Variants in AGAP4 observed in about 807,000 individuals in gnomAD.
The protein encoded by AGAP4 is arf-GAP with GTPase, ANK repeat and PH domain-containing protein 4.
A neutral mutation model predicts 60.7 loss-of-function variants in AGAP4; 13 were observed. That is an observed-to-expected ratio of 0.21 (90% CI 0.14 to 0.34). AGAP4 has a LOEUF of 0.34. Among genes scored for constraint, AGAP4 ranks in the 10% least tolerant of loss-of-function variants. AGAP4 has a pLI of 1.00. For missense variants in AGAP4, 169 were observed against 884.0 expected (o/e 0.19, Z 10.26); for synonymous variants, 70 against 339.0 (o/e 0.21, Z 8.72).
intron 3 of AGAP4, among the ~76,000 whole-genome samples, chr10:45,842,630 G>A (rs2058937889): frequency 6.7e-6 from 1 of 148,448 alleles, no homozygotes; most frequent in South Asian, 2.1e-4. Context: ...CTAAAAAGAG[G>A]CCAGAATAAT....
upstream of AGAP4, among the ~76,000 whole-genome samples, chr10:45,850,518 G>C (rs2059070385): frequency 6.6e-6 from 1 of 152,088 alleles, no homozygotes; most frequent in African/African-American, 2.4e-5. Context: ...AAGGTGAAAA[G>C]TCTCTGTCAG....
upstream of AGAP4, among the ~76,000 whole-genome samples, chr10:45,851,452 C>A (rs2573439): frequency 1.3e-5 from 2 of 151,862 alleles, no homozygotes; most frequent in African/African-American, 2.4e-5. Context: ...GCAGGAAAGC[C>A]ACAAATTAGC....
chr10:45,844,524 G>C, intron 2 of AGAP4, 130 bp from the exon 3 acceptor site: 14 of 1,475,332 alleles, frequency 9.5e-6, no homozygotes, highest in Middle Eastern at 2.4e-4. Context: ...TGAAATGAAT[G>C]TATAGACATA....
chr10:45,834,689 A>G (rs1262441032), intron 4 of AGAP4, among the ~76,000 whole-genome samples: 10 of 125,822 alleles, frequency 7.9e-5, no homozygotes, highest in Non-Finnish European at 1.4e-4. Flanking sequence ...AAAAAAAAAA[A>G]AAAAAAAAAG....
Position 45,845,613 on chromosome 10 carries a change from T to G in AGAP4, c.292+1074A>C, listed in dbSNP as rs1366605886. 1.7e-5 allele frequency among the ~76,000 whole-genome samples: 2 copies of G among 115,370 alleles called. 1 individual carries two copies. The highest frequency in any genetic ancestry group is 3.8e-5 in the Non-Finnish European group (2 of 53,050). 75.7% of individuals were successfully genotyped at this position (115,370 alleles called of 152,430 possible). A position where few individuals can be genotyped will look rare whatever the true frequency, so the allele number is the denominator to read the frequency against. On this transcript the variant is annotated intron_variant, in intron 2 of 7. Transcript: ENST00000616763. ...AAAACTCCAACTTTCTTTCCTTTTT[T>G]TTTTTGTGAGACGGAGTCTCGCTCT...
chr10:45,837,692 A>T (rs1368391805), intron 4 of AGAP4, among the ~76,000 whole-genome samples: 32 of 151,822 alleles, frequency 2.1e-4, no homozygotes, highest in African/African-American at 7.5e-4. Flanking sequence ...CTGGATCCTC[A>T]ACTCTCAGCT....
intron 2 of AGAP4, among the ~76,000 whole-genome samples, chr10:45,846,469 T>G (rs1398620881): frequency 1.3e-5 from 2 of 151,888 alleles, no homozygotes; most frequent in South Asian, 2.1e-4. Context: ...GAATAGGAAC[T>G]GTCTTGAGAT....
chr10:45,839,994 C>G (rs1402323046), intron 4 of AGAP4, among the ~76,000 whole-genome samples: 2 of 150,044 alleles, frequency 1.3e-5, no homozygotes, highest in Non-Finnish European at 3.0e-5. Context: ...GTCTAAGCAG[C>G]CTAGCATCTG....
upstream of AGAP4, among the ~76,000 whole-genome samples, chr10:45,851,923 TTC>T (rs1247501533): frequency 6.8e-6 from 1 of 147,330 alleles, no homozygotes; most frequent in East Asian, 2.0e-4. Flanking sequence ...GACTTTTTTT[TTC>T]TTTTTGAGAT....
chr10:45,834,479 T>C (rs2058780045), intron 4 of AGAP4, among the ~76,000 whole-genome samples: 1 of 133,146 alleles, frequency 7.5e-6, no homozygotes, highest in South Asian at 2.5e-4. Context: ...ATCGAGACCA[T>C]CCTGGCTAAC....
At chr10:45,853,812 T>G in exon 1 of AGAP4, 2 of 1,286,842 alleles carry the variant, frequency 1.6e-6, no homozygotes, top group Non-Finnish European at 2.0e-6. Context: ...TTGTCTTTGC[T>G]GGTTTTATGA....
chr10:45,832,376 C>T lies in AGAP4; in HGVS notation c.498-947G>A, dbSNP rs1373110457. On this transcript the variant is annotated intron_variant, in intron 5 of 7. Transcript: ENST00000616763. Reference sequence around the variant, plus strand: ...GTCCCACCAAATTGGAGCAGTTTCTCGTCCTAAACTCAAATTAAGCAGTGG... The same window carrying T: ...GTCCCACCAAATTGGAGCAGTTTCTTGTCCTAAACTCAAATTAAGCAGTGG... Among the ~76,000 whole-genome samples the T allele has an allele frequency of 4.7e-5, 7 of 149,848 alleles. 1 individual carries two copies. Among genetic ancestry groups the T allele is most frequent in the African/African-American group, 1.7e-4 (7 of 40,804 alleles).
At chr10:45,837,843 T>G (rs2058848019) in intron 4 of AGAP4, among the ~76,000 whole-genome samples, 1 of 150,138 alleles carries the variant, frequency 6.7e-6, no homozygotes, top group Middle Eastern at 3.4e-3. Context: ...CAAAAGCAAA[T>G]GCAACAGAAA....
At chr10:45,853,051 T>C (rs1554900678) in intron 1 of AGAP4, among the ~76,000 whole-genome samples, 1 of 152,042 alleles carries the variant, frequency 6.6e-6, no homozygotes, top group East Asian at 1.9e-4. Flanking sequence ...ATGAAAAACT[T>C]ACAAAAAGTC....
chr10:45,842,427 G>T (rs2058934247), intron 3 of AGAP4, among the ~76,000 whole-genome samples: 1 of 149,408 alleles, frequency 6.7e-6, no homozygotes, highest in South Asian at 2.1e-4. Context: ...TGTATTTTTA[G>T]TAGAGACAGA....
chr10:45,834,790 T>C (rs1364643343), intron 4 of AGAP4, among the ~76,000 whole-genome samples: 1 of 144,608 alleles, frequency 6.9e-6, no homozygotes, highest in Non-Finnish European at 1.5e-5. Context: ...TTATTTATTT[T>C]TGAGACGGAG....
chr10:45,851,362 C>G (rs1410051163), upstream of AGAP4, among the ~76,000 whole-genome samples: 1 of 151,976 alleles, frequency 6.6e-6, no homozygotes, highest in East Asian at 1.9e-4. Flanking sequence ...ATATCTATAA[C>G]AGCAGCACCT....
At position 45,834,123 on chromosome 10, in the gene AGAP4, G is replaced by C. The variant is rs2058773564; in HGVS notation, c.397-7C>G. On this transcript the variant is annotated splice_polypyrimidine_tract_variant and splice_region_variant and intron_variant, in intron 4 of 7. Transcript: ENST00000616763. ...TGAAACGCACAGTAGATACCTGAAG[G>C]GGAAGGGAAGTGTAAGTCAAACTTA... The C allele has an allele frequency of 6.3e-7, 1 of 1,578,516 alleles. No individual in the cohort carries two copies. Among genetic ancestry groups the C allele is most frequent in the African/African-American group, 1.4e-5 (1 of 71,148 alleles).
chr10:45,844,814 T>TAA (rs1262629008), intron 2 of AGAP4, among the ~76,000 whole-genome samples: 1 of 145,764 alleles, frequency 6.9e-6, no homozygotes, highest in Non-Finnish European at 1.5e-5. Context: ...TTTTTAAAAT[T>TAA]TTTAAAAAGT....
Sources: gnomAD v4.1 joint callset for allele counts (sites outside exome capture counted in the v4.1 genomes callset) on GRCh38, gnomAD v4.1.1 for gene constraint, MANE v1.5 for transcripts, NCBI Gene and HGNC (gene_info 2026-07-23, HGNC 2026-07-21) for gene names.